The following CBR1 variants were observed in gnomAD, a reference collection of about 807,000 sequenced individuals.
CBR1 encodes carbonyl reductase [NADPH] 1.
In CBR1, 11 loss-of-function variants were observed where a neutral mutation model predicts 10.6. That is an observed-to-expected ratio of 1.03 (90% CI 0.65 to 1.71). The LOEUF (loss-of-function observed/expected upper bound fraction) is 1.71, where lower values mean the gene tolerates loss of function less well. Ranked by LOEUF, CBR1 falls within the 40% of genes most tolerant of loss-of-function variation. CBR1 has a pLI of 0.00. For synonymous variants in CBR1, 158 were observed against 156.7 expected (o/e 1.01, Z -0.06); for missense variants, 361 against 368.6 (o/e 0.98, Z 0.17).
At position 36,073,087 on chromosome 21, in the gene CBR1, A is replaced by AT. The variant is rs2065366113; in HGVS notation, c.*206dup. On this transcript the variant is annotated 3_prime_UTR_variant, in exon 3 of 3. Coordinates refer to ENST00000290349, the MANE Select transcript of CBR1 (RefSeq NM_001757.4). ...GTCAGGTCTTTTGTGATTTCCTCTG[A>AT]TGCAGGAGAGGAAAAATTGTAATTG... 1 of 439,926 alleles carries AT rather than the reference A, an allele frequency of 2.3e-6. No individual in the cohort carries two copies. The allele number at this position is 439,926 out of a possible 1,614,324, so 27.3% of individuals were successfully genotyped here.
chr21:36,070,330 C>G lies in CBR1; in HGVS notation c.215C>G (p.Ala72Gly). The G allele has an allele frequency of 6.2e-7, 1 of 1,613,316 alleles. No individual in the cohort carries two copies. Among genetic ancestry groups the G allele is most frequent in the Non-Finnish European group, 8.5e-7 (1 of 1,179,962 alleles). The change falls in exon 1 of 3, where the codon GCC becomes GGC. Residue 72 changes from alanine to glycine, a missense_variant. Coordinates refer to ENST00000290349, the MANE Select transcript of CBR1 (RefSeq NM_001757.4). Reference sequence around the variant, plus strand: ...ATCGACGATCTGCAGAGCATCCGCGCCCTGCGCGACTTCCTGCGCAAGGAG... The same window carrying G: ...ATCGACGATCTGCAGAGCATCCGCGGCCTGCGCGACTTCCTGCGCAAGGAG... ...LDIDDLQSIR[A>G]LRDFLRKEYG...
At chr21:36,071,760 C>G (rs2123836750) in intron 2 of CBR1, 1 of 1,297,064 alleles carries the variant, frequency 7.7e-7, no homozygotes, top group Middle Eastern at 1.9e-4. Flanking sequence ...TGGACAATTG[C>G]AAACCCTCAC....
chr21:36,072,447 G>A lies in CBR1; in HGVS notation c.399G>A (p.Gly133=). The A allele has an allele frequency of 6.2e-7, 1 of 1,614,152 alleles. No homozygotes were observed. ...TELLPLIKPQ[G]RVVNVSSIMS... Reference sequence around the variant, plus strand: ...ATAATGCTTTGTGGTGTATCTTAGGGAGAGTGGTGAACGTATCTAGCATCA... The same window carrying A: ...ATAATGCTTTGTGGTGTATCTTAGGAAGAGTGGTGAACGTATCTAGCATCA... Residue 133 remains glycine, a splice_region_variant and synonymous_variant, in exon 3 of 3, where the codon GGG becomes GGA. Coordinates refer to ENST00000290349, the MANE Select transcript of CBR1 (RefSeq NM_001757.4).
chr21:36,070,680 A>G (rs2065345369), intron 1 of CBR1, among the ~76,000 whole-genome samples: 1 of 152,118 alleles, frequency 6.6e-6, no homozygotes, highest in Non-Finnish European at 1.5e-5. Flanking sequence ...AAAATAAACG[A>G]CAAATTGCAA....
rs777679109 is a variant in CBR1 at position 36,070,199 on chromosome 21, G to C, written c.84G>C (p.Leu28=). Residue 28 remains leucine, a synonymous_variant, in exon 1 of 3, where the codon CTG becomes CTC. Transcript: ENST00000290349. ...GLAIVRDLCR[L]FSGDVVLTAR... ...CCATCGTGCGCGACCTGTGCCGGCT[G>C]TTCTCGGGGGACGTGGTGCTCACGG... is the stretch of plus-strand genomic sequence containing the variant. 1.9e-6 allele frequency: 3 copies of C among 1,607,332 alleles called. No individual in the cohort carries two copies. The highest frequency in any genetic ancestry group is 2.5e-6 in the Non-Finnish European group (3 of 1,177,514).
At chr21:36,072,243 T>C (rs749119317) in intron 2 of CBR1, 5 of 1,550,714 alleles carry the variant, frequency 3.2e-6, no homozygotes, top group Middle Eastern at 3.3e-4. Context: ...CACCTGACTC[T>C]ACTCAGCCAA....
In CBR1 at chr21:36,072,849, A is replaced by T. The variant is rs1046674820; in HGVS notation, c.801A>T (p.Gln267His). ...LPPDAEGPHG[Q>H]FVSEKRVEQW is the part of the protein sequence containing the mutation. The stretch of plus-strand genomic sequence containing the variant: ...CAGATGCTGAGGGTCCCCATGGACA[A>T]TTTGTTTCAGAGAAGAGAGTTGAAC... Residue 267 changes from glutamine (Q) to histidine (H), a missense_variant, in exon 3 of 3, where the codon CAA becomes CAT. Physicochemically the swap from Gln to His is conservative, Grantham distance 24. Coordinates refer to ENST00000290349, the MANE Select transcript of CBR1 (RefSeq NM_001757.4). 10 of 1,613,548 alleles carry T rather than the reference A, an allele frequency of 6.2e-6. No individual in the cohort carries two copies. In the African/African-American group the frequency reaches 8.0e-5, roughly 13 times the overall value.
Position 36,070,125 on chromosome 21 carries a change from G to A in CBR1, c.10G>A (p.Gly4Ser), listed in dbSNP as rs369228069. Residue 4 changes from glycine to serine, a missense_variant, in exon 1 of 3, where the codon GGC becomes AGC. Gly to Ser is a moderately conservative substitution (Grantham distance 56, BLOSUM62 0). Transcript: ENST00000290349. MSS[G>S]IHVALVTGGN... is the part of the protein sequence containing the mutation. ...CGCGCCCCGTTCAGCCATGTCGTCCGGCATCCATGTAGCGCTGGTGACTGG... is the reference window on the plus strand; with the variant it reads ...CGCGCCCCGTTCAGCCATGTCGTCCAGCATCCATGTAGCGCTGGTGACTGG... 6.6e-6 allele frequency: 10 copies of A among 1,523,894 alleles called. No homozygotes were observed. The highest frequency in any genetic ancestry group is 1.3e-5 in the South Asian group (1 of 78,472). The allele number at this position is 1,523,894 out of a possible 1,614,324, so 94.4% of individuals were successfully genotyped here.
chr21:36,072,601 CAGA>C lies in CBR1; in HGVS notation c.556_558del (p.Lys186del). Reference sequence around the variant, plus strand: ...GGAGGATACAAAGAAGGGAGTGCACCAGAAGGAGGGCTGGCCCAGCAGCGCATA... The same window carrying C: ...GGAGGATACAAAGAAGGGAGTGCACCAGGAGGGCTGGCCCAGCAGCGCATA... On this transcript the variant is annotated inframe_deletion, in exon 3 of 3. Transcript: ENST00000290349. 6.9e-6 allele frequency: 11 copies of C among 1,603,890 alleles called. No homozygotes were observed. The highest frequency in any genetic ancestry group is 1.1e-5 in the South Asian group (1 of 89,940).
At chr21:36,071,116 C>T (rs1405759324) in intron 2 of CBR1, 59 bp downstream of exon 2, 5 of 1,130,634 alleles carry the variant, frequency 4.4e-6, no homozygotes, top group Non-Finnish European at 5.4e-6. Context: ...CCCCTGCTTG[C>T]CTGGGATTTC....
At chr21:36,070,863 T>G (rs879172696) in intron 1 of CBR1, 87 bp from the exon 2 acceptor site, 96 of 695,472 alleles carry the variant, frequency 1.4e-4, no homozygotes, top group Admixed American at 3.3e-4. Context: ...GTTTTTTTTT[T>G]TTTTTTTTTT....
rs753856533 is a variant in CBR1, at chr21:36,072,501, C to T, written c.453C>T (p.Ser151=). 6.2e-7 allele frequency: 1 copy of T among 1,609,082 alleles called. No individual in the cohort carries two copies. Among genetic ancestry groups the T allele is most frequent in the Non-Finnish European group, 8.5e-7 (1 of 1,178,276 alleles). Residue 151 remains serine (S), a synonymous_variant, in exon 3 of 3, where the codon AGC becomes AGT. Coordinates refer to ENST00000290349, the MANE Select transcript of CBR1 (RefSeq NM_001757.4). ...GCGTCAGAGCCCTTAAAAGCTGCAG[C>T]CCAGAGCTGCAGCAGAAGTTCCGCA... The part of the protein sequence containing the change: ...IMSVRALKSC[S]PELQQKFRSE...
At chr21:36,071,285 C>G (rs184719814) in intron 2 of CBR1, 1 of 672,076 alleles carries the variant, frequency 1.5e-6, no homozygotes, top group Admixed American at 2.1e-5. Context: ...CTTTGCACAC[C>G]TGGCTGACTC....
intron 2 of CBR1, chr21:36,072,173 G>A (rs1211845725): frequency 6.5e-6 from 10 of 1,549,628 alleles, no homozygotes; most frequent in African/African-American, 1.4e-5. Flanking sequence ...GTCCTGTTAA[G>A]TTGTGCTACT....
In CBR1 at chr21:36,072,727, T is replaced by A. The variant is rs1286354289; in HGVS notation, c.679T>A (p.Cys227Ser). The change falls in exon 3 of 3, where the codon TGC becomes AGC. Residue 227 changes from cysteine to serine, a missense_variant. Transcript: ENST00000290349. Reference protein sequence around the residue: ...KGDKILLNACCPGWVRTDMAG... With the variant: ...KGDKILLNACSPGWVRTDMAG... ...GGACAAGATCCTCCTGAATGCCTGC[T>A]GCCCAGGGTGGGTGAGAACTGACAT... is the stretch of plus-strand genomic sequence containing the variant. 1.2e-6 allele frequency: 2 copies of A among 1,614,134 alleles called. No individual in the cohort carries two copies. Among genetic ancestry groups the A allele is most frequent in the Admixed American group, 3.3e-5 (2 of 60,020 alleles).
chr21:36,072,205 G>T, intron 2 of CBR1: 1 of 1,550,548 alleles, frequency 6.4e-7, no homozygotes, highest in South Asian at 1.2e-5. Flanking sequence ...GGTTCACCAG[G>T]ACCTCAAAGG....
rs1374578653 is a variant in CBR1 at position 36,070,299 on chromosome 21, C to G, written c.184C>G (p.Leu62Val). 1.9e-6 allele frequency: 3 copies of G among 1,613,150 alleles called. No homozygotes were observed. Among genetic ancestry groups the G allele is most frequent in the South Asian group, 1.1e-5 (1 of 91,076 alleles). The change falls in exon 1 of 3, where the codon CTG becomes GTG. Residue 62 changes from leucine (L) to valine (V), a missense_variant. By Grantham distance (32) the Leu-to-Val change is conservative (BLOSUM62 1). Coordinates refer to ENST00000290349, the MANE Select transcript of CBR1 (RefSeq NM_001757.4). ...AEGLSPRFHQ[L>V]DIDDLQSIRA... ...GGGCCTGAGCCCGCGCTTCCACCAG[C>G]TGGACATCGACGATCTGCAGAGCAT... is the stretch of plus-strand genomic sequence containing the variant.
At chr21:36,071,246 T>G (rs1568957251) in intron 2 of CBR1, 189 bp downstream of exon 2, 2 of 700,168 alleles carry the variant, frequency 2.9e-6, no homozygotes, top group South Asian at 3.0e-5. Flanking sequence ...CCCACTCCCA[T>G]GGCCATTCGT....
At position 36,072,605 on chromosome 21, in the gene CBR1, A is replaced by C; in HGVS notation, c.557A>C (p.Lys186Thr). 1 of 1,604,492 alleles carries C rather than the reference A, an allele frequency of 6.2e-7. No homozygotes were observed. Among genetic ancestry groups the C allele is most frequent in the African/African-American group, 1.3e-5 (1 of 74,576 alleles). Reference protein sequence around the residue: ...VEDTKKGVHQKEGWPSSAYGV... With the variant: ...VEDTKKGVHQTEGWPSSAYGV... ...GATACAAAGAAGGGAGTGCACCAGA[A>C]GGAGGGCTGGCCCAGCAGCGCATAC... Residue 186 changes from lysine (K) to threonine (T), a missense_variant, in exon 3 of 3, where the codon AAG becomes ACG. Lys to Thr is a moderately conservative substitution (Grantham distance 78, BLOSUM62 -1). Coordinates refer to ENST00000290349, the MANE Select transcript of CBR1 (RefSeq NM_001757.4).
Sources: gnomAD v4.1 joint callset for allele counts (sites outside exome capture counted in the v4.1 genomes callset) on GRCh38, gnomAD v4.1.1 for gene constraint, MANE v1.5 for transcripts, NCBI Gene and HGNC (gene_info 2026-07-23, HGNC 2026-07-21) for gene names.